The following PCDH7 variants were observed in gnomAD, a reference collection of about 807,000 sequenced individuals.
PCDH7 encodes the protein protocadherin 7.
A neutral mutation model predicts 58.9 loss-of-function variants in PCDH7; 17 were observed. The ratio of observed to expected loss-of-function variants is 0.29; its 90% CI spans 0.20 to 0.43. The LOEUF (loss-of-function observed/expected upper bound fraction) is 0.43. Among genes scored for constraint, PCDH7 ranks in the 20% least tolerant of loss-of-function variants. PCDH7 has a pLI of 1.00. For missense variants in PCDH7, 1,274 were observed against 1,441.0 expected (o/e 0.88, Z 1.88); for synonymous variants, 664 against 616.4 (o/e 1.08, Z -1.14).
chr4:30,742,685 T>TTCCC (rs1266424230), intron 1 of PCDH7, among the ~76,000 whole-genome samples: 1 of 152,186 alleles, frequency 6.6e-6, no homozygotes, highest in Non-Finnish European at 1.5e-5. Flanking sequence ...AGTTGACAGG[T>TTCCC]GTGATGCCCT....
chr4:31,025,655 C>T (rs184365185), intron 3 of PCDH7, among the ~76,000 whole-genome samples: 48 of 152,338 alleles, frequency 3.2e-4, no homozygotes, highest in Admixed American at 6.5e-4. Flanking sequence ...TATCTTTTCA[C>T]ACTATAATAT....
At chr4:30,859,900 C>A (rs1468919026) in intron 1 of PCDH7, among the ~76,000 whole-genome samples, 1 of 152,036 alleles carries the variant, frequency 6.6e-6, no homozygotes, top group Non-Finnish European at 1.5e-5. Flanking sequence ...AGAAGTCTCT[C>A]AACGAATTGG....
chr4:30,996,701 C>T (rs1454702247), intron 3 of PCDH7, among the ~76,000 whole-genome samples: 2 of 152,178 alleles, frequency 1.3e-5, no homozygotes, highest in African/African-American at 2.4e-5. Context: ...GTTGATTAGA[C>T]ATATTTCACC....
chr4:30,907,442 A>T (rs1343322178), intron 1 of PCDH7, among the ~76,000 whole-genome samples: 2 of 152,220 alleles, frequency 1.3e-5, no homozygotes, highest in East Asian at 3.9e-4. Context: ...TGGGCAAAGA[A>T]TATGAACGGA....
At chr4:30,736,923 G>A (rs1333314814), downstream of PCDH7, among the ~76,000 whole-genome samples, 1 of 152,182 alleles carries the variant, frequency 6.6e-6, no homozygotes, top group Admixed American at 6.5e-5. Context: ...AGAAACCTGA[G>A]TTTTTAACAC....
intron 1 of PCDH7, among the ~76,000 whole-genome samples, chr4:30,909,823 T>A (rs1741488898): frequency 6.6e-6 from 1 of 152,046 alleles, no homozygotes; most frequent in Non-Finnish European, 1.5e-5. Context: ...TAGAAAAAAA[T>A]ACTTTAAATT....
chr4:30,912,883 T>C (rs1741973942), intron 1 of PCDH7, among the ~76,000 whole-genome samples: 1 of 152,174 alleles, frequency 6.6e-6, no homozygotes, highest in African/African-American at 2.4e-5. Context: ...ACTTAGAAAA[T>C]TTTGCTTAGT....
rs182602739 is a variant in PCDH7 at position 31,074,712 on chromosome 4, G to A, written c.*8-67761G>A. ...GGCAGTAGAATTGCTTGAACCTGGG[G>A]AGGTGGAGGTTGCAGTGAGCCGAGA... On this transcript the variant is annotated intron_variant, in intron 3 of 3. Coordinates refer to the PCDH7 transcript ENST00000509759. 4.3e-3 allele frequency among the ~76,000 whole-genome samples: 627 copies of A among 146,080 alleles called. 5 individuals are homozygous for A. The highest frequency in any genetic ancestry group is 6.8e-3 in the Non-Finnish European group (453 of 66,916).
intron 1 of PCDH7, chr4:30,793,983 G>A (rs1012050714): frequency 3.3e-5 from 5 of 152,188 alleles, no homozygotes; most frequent in Non-Finnish European, 7.3e-5. Context: ...CTGAGGAAAA[G>A]AAATATGCAC....
chr4:30,757,399 G>A (rs993824521), intron 1 of PCDH7, among the ~76,000 whole-genome samples: 2 of 152,302 alleles, frequency 1.3e-5, no homozygotes, highest in East Asian at 3.9e-4. Context: ...AGGGCAGAAA[G>A]GCCCTTAGCA....
chr4:30,902,555 T>C (rs1263025932), intron 1 of PCDH7, among the ~76,000 whole-genome samples: 2 of 152,124 alleles, frequency 1.3e-5, no homozygotes, highest in African/African-American at 2.4e-5. Flanking sequence ...TCAAACATTT[T>C]AATAGGCTAT....
chr4:31,139,820 A>C (rs149310962), intron 3 of PCDH7, among the ~76,000 whole-genome samples: 70 of 152,236 alleles, frequency 4.6e-4, no homozygotes, highest in African/African-American at 1.5e-3. Context: ...TTGATGACAA[A>C]CATTGCAACA....
intron 1 of PCDH7, among the ~76,000 whole-genome samples, chr4:30,854,547 G>T (rs1327366109): frequency 6.6e-6 from 1 of 151,754 alleles, no homozygotes. Flanking sequence ...AAATGATCTG[G>T]TTGAATCTTC....
intron 3 of PCDH7, among the ~76,000 whole-genome samples, chr4:30,987,357 T>C (rs1751067532): frequency 6.6e-6 from 1 of 152,122 alleles, no homozygotes; most frequent in Admixed American, 6.5e-5. Context: ...GGTATGTCTT[T>C]TTTGTAAGGA....
chr4:30,963,550 A>T lies in PCDH7; in HGVS notation c.*7+13335A>T, dbSNP rs185964134. On this transcript the variant is annotated intron_variant, in intron 3 of 3. Coordinates refer to the PCDH7 transcript ENST00000509759. ...TGACCCTGTGCTAAATGTTAGATTG[A>T]ATTTATAGAACTTAACCTGCTAGTT... 1.8e-4 allele frequency among the ~76,000 whole-genome samples: 27 copies of T among 151,698 alleles called. No individual in the cohort carries two copies. The East Asian group carries it at 4.7e-3, about 26-fold the overall frequency.
In PCDH7 at chr4:30,935,648, G is replaced by A. The variant is rs1326905937; in HGVS notation, c.288-14472G>A. On this transcript the variant is annotated intron_variant, in intron 2 of 3. Transcript: ENST00000509759. ...TACTAAAGATCATTCAGTGAGCAGT[G>A]GCAGAATAGTTCCAAAAAGGCTGAG... 3.3e-5 allele frequency among the ~76,000 whole-genome samples: 5 copies of A among 152,126 alleles called. No homozygotes were observed. The East Asian group carries it at 9.7e-4, about 29-fold the overall frequency.
At chr4:30,759,466 AC>A (rs1169256145) in intron 1 of PCDH7, among the ~76,000 whole-genome samples, 3 of 152,278 alleles carry the variant, frequency 2.0e-5, no homozygotes, top group African/African-American at 7.2e-5. Flanking sequence ...AGACGAAGAA[AC>A]TCAATTAAGC....
chr4:30,962,644 G>A (rs559684112), intron 3 of PCDH7, among the ~76,000 whole-genome samples: 17 of 151,718 alleles, frequency 1.1e-4, no homozygotes, highest in African/African-American at 4.1e-4. Flanking sequence ...AAATAGCAAG[G>A]TATGGTGGTG....
At chr4:31,040,817 A>G (rs1647797525) in intron 3 of PCDH7, among the ~76,000 whole-genome samples, 1 of 152,166 alleles carries the variant, frequency 6.6e-6, no homozygotes, top group African/African-American at 2.4e-5. Context: ...TTGGTTGAGA[A>G]ACTAAAAATC....
Sources: allele counts gnomAD v4.1 joint callset (sites outside exome capture counted in the v4.1 genomes callset), GRCh38; gene constraint gnomAD v4.1.1; transcripts MANE v1.5; gene names NCBI Gene and HGNC (gene_info 2026-07-23, HGNC 2026-07-21).